The following TSC2 variants were observed in gnomAD, a reference collection of about 807,000 sequenced individuals.
TSC2 encodes tuberin.
In TSC2, 29 loss-of-function variants were observed where a neutral mutation model predicts 202.2. The observed-to-expected ratio is 0.14, with a 90% CI of 0.11 to 0.20. The LOEUF (loss-of-function observed/expected upper bound fraction) is 0.20. TSC2 is among the 10% of genes least tolerant of loss of function. The pLI is 1.00. For missense variants in TSC2, 2,429 were observed against 2,420.0 expected (o/e 1.00, Z -0.08); for synonymous variants, 1,349 against 1,044.0 (o/e 1.29, Z -5.63).
intron 9 of TSC2, 112 bp from the exon 10 acceptor site, chr16:2,058,635 A>G: frequency 6.7e-7 from 1 of 1,487,954 alleles, no homozygotes; most frequent in Non-Finnish European, 9.1e-7. Flanking sequence ...TGCCCCCCCC[A>G]AGCACAGGGA....
chr16:2,069,893 G>A (rs1368383009), intron 16 of TSC2, among the ~76,000 whole-genome samples: 5 of 151,194 alleles, frequency 3.3e-5, no homozygotes, highest in African/African-American at 4.9e-5. Context: ...GATTACAGGC[G>A]TGAGCCACCA....
chr16:2,081,783 C>T lies in TSC2; in HGVS notation c.3799C>T (p.Pro1267Ser), dbSNP rs757010959. Reference protein sequence around the residue: ...AASTAKPPPLPRSNTVASFSS... With the variant: ...AASTAKPPPLSRSNTVASFSS... ...CAGCACGGCCAAACCCCCTCCTCTG[C>T]CTCGCTCCAACACAGGTGAGTGGCA... is the stretch of plus-strand genomic sequence containing the variant. The change falls in exon 31 of 42, where the codon CCT becomes TCT. Residue 1267 changes from proline (P) to serine (S), a missense_variant. Pro to Ser is a moderately conservative substitution (Grantham distance 74). Coordinates refer to ENST00000219476, the MANE Select transcript of TSC2 (RefSeq NM_000548.5). The T allele has an allele frequency of 1.2e-6, 2 of 1,612,458 alleles. No individual in the cohort carries two copies. Among genetic ancestry groups the T allele is most frequent in the African/African-American group, 1.3e-5 (1 of 75,052 alleles).
intron 2 of TSC2, among the ~76,000 whole-genome samples, chr16:2,049,654 G>C (rs1052350019): frequency 2.6e-5 from 4 of 151,478 alleles, no homozygotes; most frequent in Admixed American, 6.6e-5. Flanking sequence ...GCGAAACCCC[G>C]TCTCTACTAA....
At chr16:2,063,089 G>A (rs887821501) in intron 14 of TSC2, 36 bp downstream of exon 14, 3 of 1,550,110 alleles carry the variant, frequency 1.9e-6, no homozygotes, top group Non-Finnish European at 1.7e-6. Context: ...GGGGCTCAGG[G>A]CTATTTCTCC....
At chr16:2,061,847 G>T (rs775328025) in intron 11 of TSC2, 24 bp from the exon 12 acceptor site, 1 of 1,614,028 alleles carries the variant, frequency 6.2e-7, no homozygotes, top group South Asian at 1.1e-5. Context: ...AAGTCAGCCT[G>T]TGTCATCGTG....
chr16:2,049,662 T>TAAAAATACC (rs1234684286), intron 2 of TSC2, among the ~76,000 whole-genome samples: 1 of 151,614 alleles, frequency 6.6e-6, no homozygotes, highest in Admixed American at 6.6e-5. Context: ...CCGTCTCTAC[T>TAAAAATACC]AAAAATACCA....
In TSC2 at chr16:2,079,081, A is replaced by G. The variant is rs2151431643; in HGVS notation, c.3016A>G (p.Asn1006Asp). 5.6e-6 allele frequency: 9 copies of G among 1,612,926 alleles called. No homozygotes were observed. The African/African-American group carries it at 1.2e-4, about 22-fold the overall frequency. ...TSASLGSADENSVAQADDSLK... is the reference protein window; with the variant it reads ...TSASLGSADEDSVAQADDSLK... Reference sequence around the variant, plus strand: ...TGCCAGCTTGGGGTCTGCAGATGAGAACTCCGTGGCCCAGGCTGACGATAG... The same window carrying G: ...TGCCAGCTTGGGGTCTGCAGATGAGGACTCCGTGGCCCAGGCTGACGATAG... The change falls in exon 27 of 42, where the codon AAC becomes GAC. Residue 1006 changes from asparagine (N) to aspartate (D), a missense_variant. Asn to Asp is a conservative substitution (Grantham distance 23, BLOSUM62 1). Coordinates refer to ENST00000219476, the MANE Select transcript of TSC2 (RefSeq NM_000548.5). The surrounding 1 kb of genome is among the most constrained non-coding windows in gnomAD (Gnocchi z 4.6).
Position 2,056,640 on chromosome 16 carries a change from C to T in TSC2, c.649-4C>T, listed in dbSNP as rs1329743344. Reference sequence around the variant, plus strand: ...CGGGCGTGAGCCGTCTCCCTCTCCACCAGGTCTCCCTGCAGGTGCTGGACG... The same window carrying T: ...CGGGCGTGAGCCGTCTCCCTCTCCATCAGGTCTCCCTGCAGGTGCTGGACG... On this transcript the variant is annotated splice_region_variant and splice_polypyrimidine_tract_variant and intron_variant, in intron 7 of 41. Transcript: ENST00000219476. 1 of 1,609,960 alleles carries T rather than the reference C, an allele frequency of 6.2e-7. No individual in the cohort carries two copies. The highest frequency in any genetic ancestry group is 1.1e-5 in the South Asian group (1 of 91,076).
intron 22 of TSC2, among the ~76,000 whole-genome samples, chr16:2,075,525 CAAAAAAAAAAAA>C (rs933350142): frequency 2.6e-4 from 7 of 27,304 alleles, no homozygotes; most frequent in South Asian, 2.5e-3. Flanking sequence ...AGACTCATCT[CAAAAAAAAAAAA>C]AAAAAAAAAA....
Position 2,079,644 on chromosome 16 carries a change from C to CCGGGAT in TSC2, c.3377_3382dup (p.Asp1126_Arg1127dup), listed in dbSNP as rs1387479871. The stretch of plus-strand genomic sequence containing the variant: ...CTGGGCAGCAGGTGTCCCGTGGGGC[C>CCGGGAT]CGGGATCGGGTCCGTTCCATGTCGG... On this transcript the variant is annotated inframe_insertion, in exon 29 of 42. Coordinates refer to ENST00000219476, the MANE Select transcript of TSC2 (RefSeq NM_000548.5). This position sits in a 1 kb window ranked among gnomAD's most constrained non-coding sequence, Gnocchi z 4.6. 14 of 1,604,350 alleles carry CCGGGAT rather than the reference C, an allele frequency of 8.7e-6. No homozygotes were observed. Among genetic ancestry groups the CCGGGAT allele is most frequent in the African/African-American group, 1.3e-5 (1 of 74,834 alleles).
In TSC2 at chr16:2,053,372, G is replaced by A. The variant is rs1190158836; in HGVS notation, c.256G>A (p.Ala86Thr). 3.8e-6 allele frequency: 6 copies of A among 1,590,736 alleles called. No homozygotes were observed. In the Admixed American group the frequency reaches 5.3e-5, roughly 14 times the overall value. The change falls in exon 4 of 42, where the codon GCG (alanine) becomes ACG (threonine). Residue 86 changes from alanine to threonine, a missense_variant. Transcript: ENST00000219476. Reference sequence around the variant, plus strand: ...AGTGGAAGCACTCTGGAAGGCGGTCGCGGATCTGTTGCAGCCGGAGCGGCC... The same window carrying A: ...AGTGGAAGCACTCTGGAAGGCGGTCACGGATCTGTTGCAGCCGGAGCGGCC... ...HAVEALWKAVADLLQPERPLE... is the reference protein window; with the variant it reads ...HAVEALWKAVTDLLQPERPLE...
intron 13 of TSC2, 165 bp from the exon 14 acceptor site, chr16:2,062,807 T>C (rs2086800989): frequency 8.6e-6 from 8 of 931,340 alleles, no homozygotes; most frequent in South Asian, 3.0e-5. Flanking sequence ...CTCCCTCTTT[T>C]CGGGGGTCGT....
At chr16:2,064,113 G>C (rs530409208) in intron 14 of TSC2, 159 bp from the exon 15 acceptor site, 2 of 1,208,504 alleles carry the variant, frequency 1.7e-6, no homozygotes, top group African/African-American at 3.0e-5. Context: ...CGGGGTCTCT[G>C]AGTCGCGCTC....
At chr16:2,084,102 T>G in intron 33 of TSC2, 126 bp from the exon 34 acceptor site, 1 of 1,507,452 alleles carries the variant, frequency 6.6e-7, no homozygotes, top group South Asian at 1.2e-5. Flanking sequence ...GGCCGTAGCC[T>G]GGTGCTCGGG....
intron 31 of TSC2, 93 bp downstream of exon 31, chr16:2,081,891 C>T: frequency 6.6e-7 from 1 of 1,518,608 alleles, no homozygotes; most frequent in Non-Finnish European, 8.9e-7. Context: ...CTGAGGGCGC[C>T]CACACGGCTG....
rs2089759619 is a variant in TSC2 at position 2,078,876 on chromosome 16, T to C, written c.2967-156T>C. 38 of 913,972 alleles carry C rather than the reference T, an allele frequency of 4.2e-5. No individual in the cohort carries two copies. In the South Asian group the frequency reaches 5.3e-4, roughly 13 times the overall value. 56.6% of individuals were successfully genotyped at this position (913,972 alleles called of 1,614,324 possible). A position where few individuals can be genotyped will look rare whatever the true frequency, so the allele number is the denominator to read the frequency against. Reference sequence around the variant, plus strand: ...CTCTGGGACAATGTGGTCCACGTGATTCTCAAGCTGAGGCTCGCTGGGCCG... The same window carrying C: ...CTCTGGGACAATGTGGTCCACGTGACTCTCAAGCTGAGGCTCGCTGGGCCG... On this transcript the variant is annotated intron_variant, in intron 26 of 41. Coordinates refer to ENST00000219476, the MANE Select transcript of TSC2 (RefSeq NM_000548.5).
intron 32 of TSC2, chr16:2,083,421 CAG>C (rs1416654438): frequency 3.1e-5 from 18 of 585,872 alleles, no homozygotes; most frequent in Admixed American, 2.3e-4. Flanking sequence ...CCTGGAGGCA[CAG>C]GGGTGGCTGC....
chr16:2,058,991 C>G (rs1460869241), intron 10 of TSC2, 118 bp downstream of exon 10: 1 of 1,498,492 alleles, frequency 6.7e-7, no homozygotes, highest in Non-Finnish European at 9.0e-7. Flanking sequence ...CTAGGCCTTT[C>G]CAGGCAGTTG....
rs139061979 is a variant in TSC2 at position 2,065,281 on chromosome 16, C to T, written c.1600-238C>T. ...ACAAAAAATTAGCTGGGCGTGGTGG[C>T]GGGCGCCTGTAGTCCTAGCTACTGG... On this transcript the variant is annotated intron_variant, in intron 15 of 41. Transcript: ENST00000219476. 1.7e-3 allele frequency: 823 copies of T among 494,002 alleles called. 9 individuals carry two copies. The highest frequency in any genetic ancestry group is 0.015 in the African/African-American group (751 of 51,496). The allele number at this position is 494,002 out of a possible 1,614,324, so 30.6% of individuals were successfully genotyped here.
Sources: gnomAD v4.1 joint callset for allele counts (sites outside exome capture counted in the v4.1 genomes callset) on GRCh38, gnomAD v4.1.1 for gene constraint, Gnocchi (gnomAD v3.1) non-coding constraint, MANE v1.5 for transcripts, NCBI Gene and HGNC (gene_info 2026-07-23, HGNC 2026-07-21) for gene names.